The following PSAP variants were observed in gnomAD, a reference collection of about 807,000 sequenced individuals.
The protein encoded by PSAP is precursor of saposins.
PSAP carries 25 observed loss-of-function variants against 66.0 expected under a neutral mutation model. That is an observed-to-expected ratio of 0.38 (90% CI 0.28 to 0.53). The LOEUF (loss-of-function observed/expected upper bound fraction) is 0.53, where lower values mean the gene tolerates loss of function less well. Ranked by LOEUF, PSAP falls within the 20% of genes least tolerant of loss-of-function variation. The pLI, the probability that PSAP is intolerant of heterozygous loss-of-function variation, is 0.83. For synonymous variants in PSAP, 273 were observed against 258.9 expected (o/e 1.05, Z -0.52); for missense variants, 649 against 668.8 (o/e 0.97, Z 0.33).
intron 4 of PSAP, among the ~76,000 whole-genome samples, chr10:71,829,876 T>G (rs1311683468): frequency 6.6e-6 from 1 of 152,124 alleles, no homozygotes; most frequent in Non-Finnish European, 1.5e-5. Flanking sequence ...TGGGTGCCTG[T>G]GATCCCAGCT....
intron 1 of PSAP, among the ~76,000 whole-genome samples, chr10:71,835,757 C>A (rs910998863): frequency 1.4e-5 from 2 of 144,050 alleles, no homozygotes; most frequent in South Asian, 2.2e-4. Context: ...CAAACTCCAA[C>A]AGGCATCTCA....
chr10:71,822,172 G>A, intron 7 of PSAP, 165 bp from the exon 8 acceptor site: 1 of 891,350 alleles, frequency 1.1e-6, no homozygotes, highest in African/African-American at 1.6e-5. Context: ...CCATGTTAAA[G>A]GGCTCGTGTC....
chr10:71,828,081 A>G lies in PSAP; in HGVS notation c.653T>C (p.Phe218Ser), dbSNP rs768955195. 3 of 1,614,072 alleles carry G rather than the reference A, an allele frequency of 1.9e-6. No individual in the cohort carries two copies. In the African/African-American group the frequency reaches 4.0e-5, roughly 22 times the overall value. ...GACATGTTCCACCAAGGCCTGGACA[A>G]AGGTGGAGTTGGTCCGTACAGCAGT... is the stretch of plus-strand genomic sequence containing the variant. ...IQTAVRTNST[F>S]VQALVEHVKE... The change falls in exon 6 of 14, where the codon TTT becomes TCT. Residue 218 changes from phenylalanine (F) to serine (S), a missense_variant. Coordinates refer to ENST00000394936, the MANE Select transcript of PSAP (RefSeq NM_002778.4).
chr10:71,822,522 T>C lies in PSAP; in HGVS notation c.778-515A>G. On this transcript the variant is annotated intron_variant, in intron 7 of 13. Transcript: ENST00000394936. ...TGGCTTTTTAAAAAACCACATTCTATGTTCAAGCTGCACACAGTGCACATG... is the reference window on the plus strand; with the variant it reads ...TGGCTTTTTAAAAAACCACATTCTACGTTCAAGCTGCACACAGTGCACATG... 1.1e-5 allele frequency: 5 copies of C among 463,392 alleles called. 1 individual carries two copies. Among genetic ancestry groups the C allele is most frequent in the South Asian group, 7.9e-5 (5 of 63,532 alleles). The allele number at this position is 463,392 out of a possible 1,614,324, so 28.7% of individuals were successfully genotyped here.
chr10:71,848,893 A>G (rs904606354), intron 1 of PSAP, among the ~76,000 whole-genome samples: 2 of 152,336 alleles, frequency 1.3e-5, no homozygotes, highest in South Asian at 4.1e-4. Context: ...AACCAAGGCC[A>G]TTACAATACC....
rs1040901231 is a variant in PSAP at position 71,821,930 on chromosome 10, G to A, written c.855C>T (p.Ala285=). The part of the protein sequence containing the change: ...KEMPMQTLVP[A]KVASKNVIPA... ...GGATGACATTCTTGGAGGCCACTTT[G>A]GCGGGGACCAGAGTCTGCATGGGCA... Residue 285 remains alanine (A), a synonymous_variant, in exon 8 of 14, where the codon GCC becomes GCT. Transcript: ENST00000394936. 1.5e-5 allele frequency: 25 copies of A among 1,614,098 alleles called. No individual in the cohort carries two copies. The African/African-American group carries it at 3.2e-4, about 21-fold the overall frequency.
intron 1 of PSAP, among the ~76,000 whole-genome samples, chr10:71,834,903 G>A (rs1403257371): frequency 2.6e-5 from 4 of 152,164 alleles, no homozygotes; most frequent in African/African-American, 9.7e-5. Flanking sequence ...TTTGACTTCT[G>A]TAAAATGGAT....
At chr10:71,822,241 G>A (rs1253095019) in intron 7 of PSAP, 1 of 579,224 alleles carries the variant, frequency 1.7e-6, no homozygotes, top group African/African-American at 1.9e-5. Context: ...AAGCTCCTAA[G>A]GAACATCAAA....
At chr10:71,818,751 A>C (rs750223240) in intron 12 of PSAP, 27 bp from the exon 13 acceptor site, 46 of 1,577,744 alleles carry the variant, frequency 2.9e-5, no homozygotes, top group Non-Finnish European at 3.4e-5. Context: ...GGAAAGAAGA[A>C]AGGGGGAGAA....
intron 8 of PSAP, among the ~76,000 whole-genome samples, chr10:71,821,020 G>A (rs1044278752): frequency 1.3e-5 from 2 of 152,184 alleles, no homozygotes; most frequent in Admixed American, 6.5e-5. Flanking sequence ...GTTGGAGTGC[G>A]AGCTATAACT....
chr10:71,836,232 G>C (rs1196939184), intron 1 of PSAP, among the ~76,000 whole-genome samples: 1 of 152,206 alleles, frequency 6.6e-6, no homozygotes, highest in Non-Finnish European at 1.5e-5. Context: ...CTAGTTTCCA[G>C]GGGAAAACAT....
rs758378960 is a variant in PSAP at position 71,831,808 on chromosome 10, C to T, written c.249+38G>A. On this transcript the variant is annotated intron_variant, in intron 3 of 13. Transcript: ENST00000394936. ...CTCTCTTAGGAACCAGTGCACGTGC[C>T]CGTGGCTCAAGCACCATCCCCACTC... The T allele has an allele frequency of 2.5e-6, 4 of 1,595,414 alleles. No homozygotes were observed. The East Asian group carries it at 8.9e-5, about 36-fold the overall frequency.
chr10:71,845,730 A>G (rs1204685382), intron 1 of PSAP, among the ~76,000 whole-genome samples: 2 of 152,212 alleles, frequency 1.3e-5, no homozygotes, highest in African/African-American at 4.8e-5. Context: ...CCTCAGGTCC[A>G]GGATTAGTGA....
chr10:71,823,816 C>CAAAAAA, intron 7 of PSAP: 1 of 968,946 alleles, frequency 1.0e-6, no homozygotes, highest in Non-Finnish European at 1.4e-6. Context: ...ATGCCATACC[C>CAAAAAA]AAAAAAAAAA....
At chr10:71,825,682 G>T (rs1444130952) in intron 7 of PSAP, 155 bp downstream of exon 7, 1 of 730,186 alleles carries the variant, frequency 1.4e-6, no homozygotes, top group East Asian at 2.7e-5. Context: ...GAGATTGCAA[G>T]TGGAGAGTCT....
At position 71,840,221 on chromosome 10, in the gene PSAP, T is replaced by A. The variant is rs557095759; in HGVS notation, c.41-5716A>T. On this transcript the variant is annotated intron_variant, in intron 1 of 13. Transcript: ENST00000394936. ...GAGGTAACAGAAAATGCATGCAGCC[T>A]CCCAGTGCTGACAATCAGAGCCTAC... Among the ~76,000 whole-genome samples, 4 of 149,936 alleles carry A rather than the reference T, an allele frequency of 2.7e-5. No homozygotes were observed. The South Asian group carries it at 6.3e-4, about 24-fold the overall frequency.
intron 4 of PSAP, among the ~76,000 whole-genome samples, chr10:71,830,059 C>T (rs1251208372): frequency 6.6e-6 from 1 of 152,082 alleles, no homozygotes; most frequent in African/African-American, 2.4e-5. Context: ...GAAGAGTCAG[C>T]AATTCTAAGT....
chr10:71,835,821 G>GGAA (rs1277650754), intron 1 of PSAP, among the ~76,000 whole-genome samples: 1 of 49,416 alleles, frequency 2.0e-5, no homozygotes, highest in Non-Finnish European at 4.5e-5. Context: ...GTCTGAGACA[G>GGAA]AAAAAAAAAA....
At chr10:71,823,162 G>C (rs1160684995) in intron 7 of PSAP, among the ~76,000 whole-genome samples, 1 of 152,082 alleles carries the variant, frequency 6.6e-6, no homozygotes, top group Non-Finnish European at 1.5e-5. Context: ...TTCAAAAAAA[G>C]CTCCAATGCT....
Sources: gnomAD v4.1 joint callset for allele counts (sites outside exome capture counted in the v4.1 genomes callset) on GRCh38, gnomAD v4.1.1 for gene constraint, MANE v1.5 for transcripts, NCBI Gene and HGNC (gene_info 2026-07-23, HGNC 2026-07-21) for gene names.